KL: variants seen among roughly 807,000 people sequenced by gnomAD.
KL encodes the protein alpha-klotho.
In KL, 62 loss-of-function variants were observed where a neutral mutation model predicts 84.2. The ratio of observed to expected loss-of-function variants is 0.74; its 90% CI spans 0.60 to 0.91. KL has a LOEUF of 0.91. Among genes scored for constraint, KL ranks in the 40% least tolerant of loss-of-function variants. KL has a pLI of 0.00. For synonymous variants in KL, 528 were observed against 528.0 expected, an observed-to-expected ratio of 1.00 and a Z score of 0.00; for missense variants, 1,261 against 1,305.7, an observed-to-expected ratio of 0.97 and a Z score of 0.53.
chr13:33,022,837 A>C (rs1288720241), intron 1 of KL, among the ~76,000 whole-genome samples: 1 of 152,154 alleles, frequency 6.6e-6, no homozygotes, highest in African/African-American at 2.4e-5. Context: ...GCATAAGTGG[A>C]GAGGTAAAAT....
chr13:33,046,745 CTTGT>C (rs1871544043), intron 1 of KL, among the ~76,000 whole-genome samples: 3 of 129,058 alleles, frequency 2.3e-5, no homozygotes, highest in Non-Finnish European at 1.7e-5. Context: ...TGAGATATAT[CTTGT>C]TTTTTTTTTT....
intron 1 of KL, among the ~76,000 whole-genome samples, chr13:33,031,406 A>G (rs1870968007): frequency 6.6e-6 from 1 of 152,008 alleles, no homozygotes; most frequent in Non-Finnish European, 1.5e-5. Context: ...ATACGATCAT[A>G]GAAAACATGA....
In KL at chr13:33,065,038, A is replaced by T. The variant is rs992693491; in HGVS notation, c.*852A>T. ...AGGAAAGGAGGAAAAAGTGCTTATT[A>T]TGTGCAACATTATGATTAATCTGAT... On this transcript the variant is annotated 3_prime_UTR_variant, in exon 5 of 5. Transcript: ENST00000380099. 7 of 228,772 alleles carry T rather than the reference A, an allele frequency of 3.1e-5. No individual in the cohort carries two copies. Among genetic ancestry groups the T allele is most frequent in the Non-Finnish European group, 6.1e-5 (7 of 115,316 alleles). 14.2% of individuals were successfully genotyped at this position (228,772 alleles called of 1,614,324 possible).
Position 33,060,871 on chromosome 13 carries a change from G to T in KL, c.1792G>T (p.Asp598Tyr). The part of the protein sequence containing the change: ...MHVTHFRFSL[D>Y]WALILPLGNQ... ...CGTTACACATTTTCGCTTCTCCCTG[G>T]ACTGGGCCCTGATTCTCCCTCTGGG... The change falls in exon 4 of 5, where the codon GAC becomes TAC. Residue 598 changes from aspartate (D) to tyrosine (Y), a missense_variant. Asp to Tyr is a radical substitution (Grantham distance 160). Coordinates refer to ENST00000380099, the MANE Select transcript of KL (RefSeq NM_004795.4). 6.2e-7 allele frequency: 1 copy of T among 1,614,204 alleles called. No individual in the cohort carries two copies. Among genetic ancestry groups the T allele is most frequent in the Non-Finnish European group, 8.5e-7 (1 of 1,180,016 alleles).
At chr13:33,036,065 A>G (rs1283750992) in intron 1 of KL, among the ~76,000 whole-genome samples, 1 of 152,200 alleles carries the variant, frequency 6.6e-6, no homozygotes, top group Admixed American at 6.5e-5. Context: ...ATTTTCAAAA[A>G]CTACCCTGAC....
chr13:33,023,882 G>A (rs115594939), intron 1 of KL, among the ~76,000 whole-genome samples: 13 of 152,236 alleles, frequency 8.5e-5, no homozygotes, highest in African/African-American at 3.1e-4. Context: ...GAATCAGAAG[G>A]AATTTGGAAA....
At chr13:33,047,225 G>C (rs1438777860) in intron 1 of KL, among the ~76,000 whole-genome samples, 1 of 152,060 alleles carries the variant, frequency 6.6e-6, no homozygotes, top group Non-Finnish European at 1.5e-5. Flanking sequence ...AACCATGCCA[G>C]ATTTTTAATG....
In KL at chr13:33,032,371, C is replaced by G. The variant is rs534752478; in HGVS notation, c.819+15112C>G. On this transcript the variant is annotated intron_variant, in intron 1 of 4. Transcript: ENST00000380099. The stretch of plus-strand genomic sequence containing the variant: ...GGGAGGGCTCACCCACGCAGTTTTT[C>G]TCTGGTCCGCAGTCATCTGAAGCTT... 1.4e-3 allele frequency among the ~76,000 whole-genome samples: 206 copies of G among 152,304 alleles called. 1 individual carries two copies. Among genetic ancestry groups the G allele is most frequent in the Non-Finnish European group, 2.0e-3 (134 of 68,022 alleles).
chr13:33,044,994 T>C (rs1871474781), intron 1 of KL, among the ~76,000 whole-genome samples: 1 of 152,214 alleles, frequency 6.6e-6, no homozygotes. Flanking sequence ...TCAATCAACA[T>C]GCCTTTTATG....
chr13:33,050,108 T>C (rs1187934874), intron 1 of KL, among the ~76,000 whole-genome samples: 1 of 152,256 alleles, frequency 6.6e-6, no homozygotes, highest in Non-Finnish European at 1.5e-5. Flanking sequence ...AAAACATTCA[T>C]ACATGGTAAA....
At position 33,016,804 on chromosome 13, in the gene KL, G is replaced by C; in HGVS notation, c.364G>C (p.Gly122Arg). The change falls in exon 1 of 5, where the codon GGG (glycine) becomes CGG (arginine). Residue 122 changes from glycine (G) to arginine (R), a missense_variant. Gly to Arg is a moderately radical substitution (Grantham distance 125). Transcript: ENST00000380099. ...CCCGTCGCCGCTGCAGCCCGCCACC[G>C]GGGACGTAGCCAGCGACAGCTACAA... Reference protein sequence around the residue: ...GAPSPLQPATGDVASDSYNNV... With the variant: ...GAPSPLQPATRDVASDSYNNV... 6.2e-7 allele frequency: 1 copy of C among 1,612,480 alleles called. No homozygotes were observed. Among genetic ancestry groups the C allele is most frequent in the Non-Finnish European group, 8.5e-7 (1 of 1,179,736 alleles).
chr13:33,054,950 T>C, intron 2 of KL, 97 bp from the exon 3 acceptor site: 1 of 1,488,284 alleles, frequency 6.7e-7, no homozygotes, highest in Non-Finnish European at 9.3e-7. Flanking sequence ...GCATTACACT[T>C]TATTTATTTA....
intron 2 of KL, 106 bp from the exon 3 acceptor site, chr13:33,054,941 C>G (rs1871897408): frequency 8.6e-6 from 12 of 1,396,856 alleles, no homozygotes; most frequent in Non-Finnish European, 1.2e-5. Context: ...AAACGAGAAG[C>G]ATTACACTTT....
Position 33,055,119 on chromosome 13 carries a change from G to A in KL, c.1403G>A (p.Arg468Lys), listed in dbSNP as rs766430740. ...CTCATGGATGGTTTCGAGTGGCACA[G>A]AGGTTACAGCATCAGGCGTGGACTC... ...WSLMDGFEWH[R>K]GYSIRRGLFY... The change falls in exon 3 of 5, where the codon AGA (arginine) becomes AAA (lysine). Residue 468 changes from arginine to lysine, a missense_variant. Physicochemically the swap from Arg to Lys is conservative, Grantham distance 26. Coordinates refer to ENST00000380099, the MANE Select transcript of KL (RefSeq NM_004795.4). 3.1e-6 allele frequency: 5 copies of A among 1,614,204 alleles called. No individual in the cohort carries two copies. In the South Asian group the frequency reaches 5.5e-5, roughly 18 times the overall value.
At chr13:33,035,841 T>A (rs939534359) in intron 1 of KL, among the ~76,000 whole-genome samples, 9 of 152,362 alleles carry the variant, frequency 5.9e-5, no homozygotes, top group Admixed American at 4.6e-4. Context: ...ATTTAACTAA[T>A]GTTAATTAGT....
Position 33,016,518 on chromosome 13 carries a change from G to A in KL, c.78G>A (p.Leu26=). The stretch of plus-strand genomic sequence containing the variant: ...CGCTGCTGCTGGTGCTGCTGGGCCT[G>A]GGCGGCCGCCGCCTGCGTGCGGAGC... The part of the protein sequence containing the change: ...SLSLLLVLLG[L]GGRRLRAEPG... Residue 26 remains leucine (L), a synonymous_variant, in exon 1 of 5, where the codon CTG becomes CTA. Transcript: ENST00000380099. 7.5e-7 allele frequency: 1 copy of A among 1,331,278 alleles called. No individual in the cohort carries two copies. Among genetic ancestry groups the A allele is most frequent in the Non-Finnish European group, 9.6e-7 (1 of 1,046,574 alleles). The allele number at this position is 1,331,278 out of a possible 1,614,324, so 82.5% of individuals were successfully genotyped here.
intron 1 of KL, among the ~76,000 whole-genome samples, chr13:33,039,446 G>T (rs1000323772): frequency 6.6e-6 from 1 of 152,078 alleles, no homozygotes; most frequent in Admixed American, 6.6e-5. Context: ...TGTTGTGGGG[G>T]AGTATAATAC....
rs1872199495 is a variant in KL, at chr13:33,061,479, C to A, written c.2400C>A (p.Thr800=). 6.2e-6 allele frequency: 10 copies of A among 1,614,074 alleles called. No individual in the cohort carries two copies. Among genetic ancestry groups the A allele is most frequent in the Non-Finnish European group, 8.5e-6 (10 of 1,180,038 alleles). Residue 800 remains threonine, a synonymous_variant, in exon 4 of 5, where the codon ACC becomes ACA. Coordinates refer to ENST00000380099, the MANE Select transcript of KL (RefSeq NM_004795.4). ...TEDEKKLIQG[T]FDFLALSHYT... Reference sequence around the variant, plus strand: ...ATGAAAAAAAGCTAATCCAGGGTACCTTTGACTTTTTGGCTTTAAGCCATT... The same window carrying A: ...ATGAAAAAAAGCTAATCCAGGGTACATTTGACTTTTTGGCTTTAAGCCATT...
rs1872314223 is a variant in KL, at chr13:33,064,018, A to T, written c.2871A>T (p.Glu957Asp). Residue 957 changes from glutamate (E) to aspartate (D), a missense_variant, in exon 5 of 5, where the codon GAA becomes GAT. Physicochemically the swap from Glu to Asp is conservative, Grantham distance 45. Coordinates refer to ENST00000380099, the MANE Select transcript of KL (RefSeq NM_004795.4). The stretch of plus-strand genomic sequence containing the variant: ...ACAGCAATGGTTTCCCGGGCCCAGA[A>T]ACTCTGGAAAGATTTTGTCCAGAAG... ...IIDSNGFPGP[E>D]TLERFCPEEF... 6.2e-7 allele frequency: 1 copy of T among 1,614,192 alleles called. No homozygotes were observed. Among genetic ancestry groups the T allele is most frequent in the Non-Finnish European group, 8.5e-7 (1 of 1,180,042 alleles).
Sources: gnomAD v4.1 joint callset for allele counts (sites outside exome capture counted in the v4.1 genomes callset) on GRCh38, gnomAD v4.1.1 for gene constraint, MANE v1.5 for transcripts, NCBI Gene and HGNC (gene_info 2026-07-23, HGNC 2026-07-21) for gene names.